Variants in ARB2A observed in about 807,000 individuals in gnomAD.
ARB2A encodes the protein cotranscriptional regulator ARB2A.
At chr5:93,809,135 C>T in the ARB2A span, among the ~76,000 whole-genome samples, 1 of 151,958 alleles carries the variant, frequency 6.6e-6, no homozygotes, top group African/African-American at 2.4e-5. Context: ...CAAAACACTA[C>T]ATAAAATATG....
the ARB2A span, among the ~76,000 whole-genome samples, chr5:94,058,659 G>T: frequency 6.6e-6 from 1 of 152,154 alleles, no homozygotes; most frequent in African/African-American, 2.4e-5. Flanking sequence ...CCAAAATGAA[G>T]CAGAGAAAAA....
At chr5:93,988,452 T>G in the ARB2A span, among the ~76,000 whole-genome samples, 3 of 152,182 alleles carry the variant, frequency 2.0e-5, no homozygotes, top group Non-Finnish European at 2.9e-5. Context: ...CAAATGATGT[T>G]GCTTTGCTTT....
At chr5:93,888,130 A>C in the ARB2A span, among the ~76,000 whole-genome samples, 1 of 151,914 alleles carries the variant, frequency 6.6e-6, no homozygotes, top group Non-Finnish European at 1.5e-5. Flanking sequence ...GTTTTAGAAC[A>C]TTATGTTGCT....
At chr5:94,110,597 C>G in the ARB2A span, among the ~76,000 whole-genome samples, 1 of 152,230 alleles carries the variant, frequency 6.6e-6, no homozygotes, top group Non-Finnish European at 1.5e-5. Flanking sequence ...TACTCTCTTA[C>G]TCAGTTTCTA....
chr5:93,705,657 A>G, the ARB2A span, among the ~76,000 whole-genome samples: 127 of 131,048 alleles, frequency 9.7e-4, no homozygotes, highest in Middle Eastern at 4.4e-3. Flanking sequence ...GTGTGTATAT[A>G]TATATATATA....
the ARB2A span, among the ~76,000 whole-genome samples, chr5:93,984,703 G>A: frequency 2.6e-5 from 4 of 151,930 alleles, no homozygotes; most frequent in African/African-American, 9.7e-5. Context: ...ATTCTCATTT[G>A]TGTACTGAAC....
At chr5:93,964,435 C>T in the ARB2A span, 7 of 1,465,104 alleles carry the variant, frequency 4.8e-6, no homozygotes, top group Non-Finnish European at 6.5e-6. Context: ...TTGAAATAAA[C>T]ATTTCTTTAA....
the ARB2A span, among the ~76,000 whole-genome samples, chr5:93,981,335 C>T: frequency 4.6e-5 from 7 of 152,142 alleles, no homozygotes; most frequent in Non-Finnish European, 1.0e-4. Flanking sequence ...TCCCAAAGTG[C>T]TAGGATTATA....
At chr5:93,846,756 T>C in the ARB2A span, among the ~76,000 whole-genome samples, 1 of 152,184 alleles carries the variant, frequency 6.6e-6, no homozygotes, top group African/African-American at 2.4e-5. Context: ...CTAACGATCA[T>C]CTGAACCTTC....
chr5:94,013,571 T>C, the ARB2A span, among the ~76,000 whole-genome samples: 1 of 152,130 alleles, frequency 6.6e-6, no homozygotes, highest in South Asian at 2.1e-4. Context: ...CACATGAGCA[T>C]ATTTAAATGC....
chr5:93,986,682 C>T, the ARB2A span, among the ~76,000 whole-genome samples: 1 of 152,206 alleles, frequency 6.6e-6, no homozygotes, highest in Non-Finnish European at 1.5e-5. Context: ...AAAAACTCTT[C>T]TGCCTTGGGA....
the ARB2A span, among the ~76,000 whole-genome samples, chr5:93,951,194 A>G: frequency 1.3e-5 from 2 of 151,872 alleles, no homozygotes; most frequent in African/African-American, 2.4e-5. Flanking sequence ...TCTTTTTCCT[A>G]TTGAGTTGTT....
At chr5:93,661,484 T>G in the ARB2A span, among the ~76,000 whole-genome samples, 1 of 152,140 alleles carries the variant, frequency 6.6e-6, no homozygotes, top group Non-Finnish European at 1.5e-5. Flanking sequence ...CTACACCTCC[T>G]ATGCACAGCT....
At chr5:93,827,011 TTGGTTCC>T in the ARB2A span, among the ~76,000 whole-genome samples, 1 of 151,958 alleles carries the variant, frequency 6.6e-6, no homozygotes, top group Admixed American at 6.6e-5. Context: ...GACATTTGGG[TTGGTTCC>T]AAGTCTTTGC....
At chr5:93,683,000 G>C in the ARB2A span, 1 of 1,580,184 alleles carries the variant, frequency 6.3e-7, no homozygotes. Context: ...TACAGAACTA[G>C]GTCCTTTTGG....
chr5:93,850,381 C>A, the ARB2A span, among the ~76,000 whole-genome samples: 4 of 152,268 alleles, frequency 2.6e-5, no homozygotes, highest in Admixed American at 1.3e-4. Context: ...TGTGAGAAGT[C>A]ATAAGCTTAT....
At chr5:94,025,053 G>A in the ARB2A span, among the ~76,000 whole-genome samples, 5 of 152,174 alleles carry the variant, frequency 3.3e-5, no homozygotes, top group Non-Finnish European at 7.3e-5. Context: ...ATACCAACCT[G>A]ACCAAAGATG....
the ARB2A span, among the ~76,000 whole-genome samples, chr5:93,700,090 T>C: frequency 6.6e-6 from 1 of 152,132 alleles, no homozygotes; most frequent in Non-Finnish European, 1.5e-5. Flanking sequence ...TATATACAAT[T>C]ATATGGAAAC....
chr5:93,954,412 G>C, the ARB2A span, among the ~76,000 whole-genome samples: 1 of 151,896 alleles, frequency 6.6e-6, no homozygotes, highest in East Asian at 1.9e-4. Context: ...TAGAAATGTC[G>C]TCTGGAATCT....
Sources: allele counts gnomAD v4.1 joint callset (sites outside exome capture counted in the v4.1 genomes callset), GRCh38; gene constraint gnomAD v4.1.1; transcripts MANE v1.5; gene names NCBI Gene and HGNC (gene_info 2026-07-23, HGNC 2026-07-21).